SLC38A12: variants seen among roughly 807,000 people sequenced by gnomAD.
SLC38A12 encodes putative sodium-coupled neutral amino acid transporter 12.
the SLC38A12 span, among the ~76,000 whole-genome samples, chr17:74,822,308 G>A: frequency 6.6e-5 from 10 of 152,182 alleles, no homozygotes; most frequent in Non-Finnish European, 1.5e-4. Flanking sequence ...CAGGCTCACC[G>A]TAGACTTGGC....
chr17:74,787,644 GAA>G, the SLC38A12 span, among the ~76,000 whole-genome samples: 1 of 133,640 alleles, frequency 7.5e-6, no homozygotes, highest in African/African-American at 2.8e-5. Flanking sequence ...AAAAAAAAAA[GAA>G]AGCAGGAGAT....
At chr17:74,838,649 T>A in the SLC38A12 span, 1 of 1,389,938 alleles carries the variant, frequency 7.2e-7, no homozygotes, top group Middle Eastern at 2.7e-4. Context: ...TGCCGTTGTC[T>A]AGCTGCTTTG....
chr17:74,831,919 G>A, the SLC38A12 span, among the ~76,000 whole-genome samples: 1 of 152,222 alleles, frequency 6.6e-6, no homozygotes, highest in East Asian at 1.9e-4. Context: ...TCCTGGCAGG[G>A]TCTCCATAAC....
the SLC38A12 span, chr17:74,777,179 C>A: frequency 1.2e-6 from 1 of 808,492 alleles, no homozygotes; most frequent in South Asian, 1.4e-5. Flanking sequence ...ATAAAAGAAC[C>A]AGAGGTGGCA....
chr17:74,825,693 C>T, the SLC38A12 span, among the ~76,000 whole-genome samples: 1 of 152,334 alleles, frequency 6.6e-6, no homozygotes, highest in East Asian at 1.9e-4. Flanking sequence ...GGTCGGTGGC[C>T]CAGCTGTCCG....
chr17:74,829,373 C>T, the SLC38A12 span, among the ~76,000 whole-genome samples: 1 of 152,252 alleles, frequency 6.6e-6, no homozygotes, highest in Non-Finnish European at 1.5e-5. The surrounding 1 kb of genome is among the most constrained non-coding windows in gnomAD (Gnocchi z 4.1). Flanking sequence ...ATCCGCCCAC[C>T]TCAGTGCTGG....
At chr17:74,795,510 A>T in the SLC38A12 span, 2 of 1,612,560 alleles carry the variant, frequency 1.2e-6, no homozygotes, top group Non-Finnish European at 1.7e-6. Context: ...GCCTGCTGTC[A>T]TTCTCTTTAT....
chr17:74,819,756 T>C, the SLC38A12 span: 2 of 1,614,032 alleles, frequency 1.2e-6, no homozygotes, highest in African/African-American at 2.7e-5. Context: ...CCAGGCGATC[T>C]TCACTCTCCT....
chr17:74,786,983 G>A, the SLC38A12 span, among the ~76,000 whole-genome samples: 13 of 152,330 alleles, frequency 8.5e-5, no homozygotes, highest in South Asian at 6.2e-4. Context: ...GAACGTGATC[G>A]ATGAGTTGGC....
At chr17:74,836,683 T>G in the SLC38A12 span, 1 of 1,593,488 alleles carries the variant, frequency 6.3e-7, no homozygotes. This position sits in a 1 kb window ranked among gnomAD's most constrained non-coding sequence, Gnocchi z 4.2. Context: ...GAGACCAAGC[T>G]CTGATGGCAG....
chr17:74,831,867 G>A, the SLC38A12 span, among the ~76,000 whole-genome samples: 5 of 152,220 alleles, frequency 3.3e-5, no homozygotes, highest in South Asian at 4.1e-4. Flanking sequence ...GCTGAGCCCC[G>A]GGCGTCGGTG....
chr17:74,793,776 C>T, the SLC38A12 span, among the ~76,000 whole-genome samples: 1 of 152,140 alleles, frequency 6.6e-6, no homozygotes, highest in African/African-American at 2.4e-5. Flanking sequence ...GGACGTCAGG[C>T]TATCTCTGAC....
At chr17:74,813,915 T>C in the SLC38A12 span, among the ~76,000 whole-genome samples, 3 of 152,184 alleles carry the variant, frequency 2.0e-5, no homozygotes, top group Admixed American at 6.5e-5. Context: ...TTAGTTCCAG[T>C]TGGAAGCTGC....
At chr17:74,779,545 C>T in the SLC38A12 span, among the ~76,000 whole-genome samples, 12 of 152,278 alleles carry the variant, frequency 7.9e-5, no homozygotes, top group African/African-American at 2.6e-4. Flanking sequence ...TTAACTCCCC[C>T]GTCCTGGAAC....
chr17:74,807,188 T>C, the SLC38A12 span, among the ~76,000 whole-genome samples: 1 of 148,464 alleles, frequency 6.7e-6, no homozygotes, highest in Non-Finnish European at 1.5e-5. Flanking sequence ...GTGCCTTGCT[T>C]TGGAGTCAGA....
the SLC38A12 span, among the ~76,000 whole-genome samples, chr17:74,780,282 C>T: frequency 6.6e-6 from 1 of 152,182 alleles, no homozygotes; most frequent in African/African-American, 2.4e-5. Context: ...ACATCTGCCC[C>T]ATGCAGGTCA....
the SLC38A12 span, among the ~76,000 whole-genome samples, chr17:74,803,250 T>C: frequency 6.6e-6 from 1 of 152,272 alleles, no homozygotes; most frequent in South Asian, 2.1e-4. Context: ...GATATCCGTG[T>C]ATTCATAGGC....
chr17:74,789,311 C>T, the SLC38A12 span, among the ~76,000 whole-genome samples: 1 of 152,132 alleles, frequency 6.6e-6, no homozygotes, highest in Non-Finnish European at 1.5e-5. Context: ...GGGCAGATCA[C>T]TTGAAGTCAG....
At chr17:74,838,184 GCTTT>G in the SLC38A12 span, 1 of 985,672 alleles carries the variant, frequency 1.0e-6, no homozygotes, top group Non-Finnish European at 1.2e-6. Context: ...GCCTCAGCCC[GCTTT>G]CTCTGTGCCG....
Sources: allele counts gnomAD v4.1 joint callset (sites outside exome capture counted in the v4.1 genomes callset), GRCh38; gene constraint gnomAD v4.1.1; non-coding constraint Gnocchi (gnomAD v3.1); transcripts MANE v1.5; gene names NCBI Gene and HGNC (gene_info 2026-07-23, HGNC 2026-07-21).